MCHR2: variants seen among roughly 807,000 people sequenced by gnomAD.
The protein encoded by MCHR2 is melanin-concentrating hormone receptor 2.
In MCHR2, 15 loss-of-function variants were observed where a neutral mutation model predicts 24.8. The ratio of observed to expected loss-of-function variants is 0.60; its 90% CI spans 0.40 to 0.93. MCHR2 has a LOEUF of 0.93. Among genes scored for constraint, MCHR2 ranks in the 40% least tolerant of loss-of-function variants. The probability of loss-of-function intolerance (pLI) is 0.00; values close to 1 mark genes in which losing one functional copy is unlikely to be tolerated. For synonymous variants in MCHR2, 151 were observed against 147.6 expected (o/e 1.02, Z -0.17); for missense variants, 386 against 408.7 (o/e 0.94, Z 0.48).
intron 1 of MCHR2, among the ~76,000 whole-genome samples, chr6:99,992,997 C>A (rs1185877068): frequency 6.6e-6 from 1 of 151,538 alleles, no homozygotes; most frequent in Non-Finnish European, 1.5e-5. Flanking sequence ...AGTCAGAAAA[C>A]ATTCATTGAA....
chr6:99,950,570 T>C (rs1202733906), intron 2 of MCHR2, among the ~76,000 whole-genome samples: 4 of 152,238 alleles, frequency 2.6e-5, no homozygotes, highest in Non-Finnish European at 5.9e-5. Context: ...CCTGTAGTCA[T>C]AGTTTGAAAG....
intron 1 of MCHR2, among the ~76,000 whole-genome samples, chr6:99,978,041 CA>C (rs1285234316): frequency 2.0e-5 from 3 of 152,120 alleles, no homozygotes; most frequent in Non-Finnish European, 4.4e-5. Context: ...TCAATATAAA[CA>C]GGGATCCCAA....
At chr6:99,987,453 C>T (rs767168001) in intron 1 of MCHR2, among the ~76,000 whole-genome samples, 1 of 152,142 alleles carries the variant, frequency 6.6e-6, no homozygotes, top group East Asian at 1.9e-4. Context: ...AATCCCCACC[C>T]TTGCTTTAGG....
chr6:99,964,115 C>T (rs1288442223), intron 1 of MCHR2, among the ~76,000 whole-genome samples: 1 of 152,080 alleles, frequency 6.6e-6, no homozygotes, highest in Non-Finnish European at 1.5e-5. Context: ...TGAAAAGTTT[C>T]ATGTCTAACA....
chr6:99,924,495 G>C (rs1163065047), intron 5 of MCHR2, among the ~76,000 whole-genome samples: 3 of 151,816 alleles, frequency 2.0e-5, no homozygotes, highest in Admixed American at 1.3e-4. Context: ...TACATTATTA[G>C]ACTGTTTATT....
chr6:99,938,661 T>A (rs976199491), intron 4 of MCHR2, among the ~76,000 whole-genome samples: 3 of 152,112 alleles, frequency 2.0e-5, no homozygotes, highest in African/African-American at 7.2e-5. Context: ...GAATTTGCAT[T>A]CTGCAACAGT....
chr6:99,927,210 C>A (rs1774384328), intron 5 of MCHR2, among the ~76,000 whole-genome samples: 1 of 152,122 alleles, frequency 6.6e-6, no homozygotes, highest in Non-Finnish European at 1.5e-5. Flanking sequence ...TGTTTTGGTA[C>A]CAGTACCATG....
intron 2 of MCHR2, among the ~76,000 whole-genome samples, chr6:99,948,945 ACTGAGAATGATCTCATGTCTC>A (rs1774922183): frequency 6.6e-6 from 1 of 152,172 alleles, no homozygotes; most frequent in African/African-American, 2.4e-5. Flanking sequence ...GGTAGATGGC[ACTGAGAATGATCTCATGTCTC>A]CTGTGGGGAG....
intron 2 of MCHR2, 48 bp from the exon 3 acceptor site, chr6:99,948,019 C>G: frequency 6.6e-7 from 1 of 1,509,560 alleles, no homozygotes. Flanking sequence ...TGTATACAGA[C>G]TATTCGATAT....
At chr6:99,923,792 T>G (rs546740416) in intron 5 of MCHR2, among the ~76,000 whole-genome samples, 1 of 152,230 alleles carries the variant, frequency 6.6e-6, no homozygotes, top group African/African-American at 2.4e-5. Flanking sequence ...ATGAATGAGA[T>G]TTCTAATATA....
chr6:99,956,744 C>A (rs1775070322), intron 1 of MCHR2, among the ~76,000 whole-genome samples: 1 of 151,908 alleles, frequency 6.6e-6, no homozygotes, highest in Non-Finnish European at 1.5e-5. Flanking sequence ...GCACCATGTG[C>A]AAAGAAGTAT....
At chr6:99,952,982 T>A (rs1262682162) in intron 2 of MCHR2, among the ~76,000 whole-genome samples, 1 of 152,178 alleles carries the variant, frequency 6.6e-6, no homozygotes, top group Non-Finnish European at 1.5e-5. Flanking sequence ...AATTGGTCCG[T>A]ACAATGGCTC....
At chr6:99,984,197 A>T (rs1562136488) in intron 1 of MCHR2, among the ~76,000 whole-genome samples, 1 of 151,812 alleles carries the variant, frequency 6.6e-6, no homozygotes, top group Non-Finnish European at 1.5e-5. Flanking sequence ...AAAGAGAAAC[A>T]TTTATTTCTC....
intron 1 of MCHR2, among the ~76,000 whole-genome samples, chr6:99,967,363 TAAG>T (rs1775313979): frequency 1.3e-5 from 2 of 152,044 alleles, no homozygotes; most frequent in Admixed American, 1.3e-4. Context: ...AAGACAGTGT[TAAG>T]AAGTCTGAAA....
chr6:99,926,213 T>C (rs897430313), intron 5 of MCHR2, among the ~76,000 whole-genome samples: 13 of 152,242 alleles, frequency 8.5e-5, no homozygotes, highest in African/African-American at 3.1e-4. Flanking sequence ...ATGTGCCACA[T>C]TGTCTTAATC....
intron 1 of MCHR2, among the ~76,000 whole-genome samples, chr6:99,969,758 T>C (rs1274973272): frequency 7.4e-6 from 1 of 135,954 alleles, no homozygotes; most frequent in Non-Finnish European, 1.5e-5. Flanking sequence ...TTCCCCTTCC[T>C]GTGTCCATGT....
At chr6:99,933,073 C>A (rs1582374755) in intron 5 of MCHR2, among the ~76,000 whole-genome samples, 1 of 151,684 alleles carries the variant, frequency 6.6e-6, no homozygotes, top group East Asian at 1.9e-4. Flanking sequence ...TTTTAAAATT[C>A]CCATATTTAA....
At chr6:99,929,220 T>C (rs2114494906) in intron 5 of MCHR2, among the ~76,000 whole-genome samples, 1 of 152,342 alleles carries the variant, frequency 6.6e-6, no homozygotes, top group Admixed American at 6.5e-5. Context: ...CTATAATGTC[T>C]GATCTTTTAC....
chr6:99,946,322 A>T (rs1194932580), intron 3 of MCHR2, among the ~76,000 whole-genome samples: 2 of 152,196 alleles, frequency 1.3e-5, no homozygotes, highest in East Asian at 3.9e-4. Context: ...CTATATTTTG[A>T]AAGTTCTCTT....
Sources: allele counts gnomAD v4.1 joint callset (sites outside exome capture counted in the v4.1 genomes callset), GRCh38; gene constraint gnomAD v4.1.1; transcripts MANE v1.5; gene names NCBI Gene and HGNC (gene_info 2026-07-23, HGNC 2026-07-21).